Variants in SH3BGRL2 observed in about 807,000 individuals in gnomAD.
SH3BGRL2 encodes the protein SH3 domain-binding glutamic acid-rich-like protein 2.
SH3BGRL2 carries 21 observed loss-of-function variants against 14.8 expected under a neutral mutation model. The ratio of observed to expected loss-of-function variants is 1.42; its 90% CI spans 1.01 to 2.05. The LOEUF is 2.05. Ranked by LOEUF, SH3BGRL2 falls within the 30% of genes most tolerant of loss-of-function variation. The pLI is 0.00. For missense variants in SH3BGRL2, 147 were observed against 130.8 expected (o/e 1.12, Z -0.61); for synonymous variants, 50 against 47.8 (o/e 1.05, Z -0.19).
intron 1 of SH3BGRL2, among the ~76,000 whole-genome samples, chr6:79,644,137 T>C (rs888008804): frequency 6.6e-6 from 1 of 152,168 alleles, no homozygotes; most frequent in Non-Finnish European, 1.5e-5. Flanking sequence ...CCTTTACATC[T>C]TGAACCCTAG....
the SH3BGRL2 span, among the ~76,000 whole-genome samples, chr6:79,543,401 A>G: frequency 6.6e-6 from 1 of 152,174 alleles, no homozygotes; most frequent in East Asian, 1.9e-4. Context: ...GGATTAGATT[A>G]TTTACCCAGA....
chr6:79,553,937 C>A, the SH3BGRL2 span, among the ~76,000 whole-genome samples: 4 of 149,992 alleles, frequency 2.7e-5, 1 homozygote, highest in Admixed American at 2.7e-4. Context: ...CACTGCACTC[C>A]AGCCTGGGTG....
intron 2 of SH3BGRL2, among the ~76,000 whole-genome samples, chr6:79,689,721 A>G (rs1009742): frequency 0.81 from 123,364 of 151,974 alleles, 50,209 homozygotes; most frequent in East Asian, 0.98. Flanking sequence ...TTCCAATGTT[A>G]TGATTTGGGG....
At chr6:79,575,852 G>A in the SH3BGRL2 span, among the ~76,000 whole-genome samples, 1 of 151,928 alleles carries the variant, frequency 6.6e-6, no homozygotes, top group Non-Finnish European at 1.5e-5. Context: ...CATTGGTTGT[G>A]ATTACTGATA....
chr6:79,671,331 A>C (rs1329326651), intron 1 of SH3BGRL2, among the ~76,000 whole-genome samples: 1 of 152,072 alleles, frequency 6.6e-6, no homozygotes, highest in Non-Finnish European at 1.5e-5. Flanking sequence ...GCCAGGCGTG[A>C]TGGCACATAC....
the SH3BGRL2 span, among the ~76,000 whole-genome samples, chr6:79,567,611 C>T: frequency 0.014 from 2,064 of 152,144 alleles, 50 homozygotes; most frequent in African/African-American, 0.047. Flanking sequence ...ATGTCATAAC[C>T]AAAAAATAAA....
chr6:79,597,954 G>T, the SH3BGRL2 span, among the ~76,000 whole-genome samples: 7 of 152,258 alleles, frequency 4.6e-5, 1 homozygote, highest in South Asian at 1.5e-3. Flanking sequence ...GGATCTGAAT[G>T]GGCATATTTC....
the SH3BGRL2 span, among the ~76,000 whole-genome samples, chr6:79,576,108 C>A: frequency 6.6e-6 from 1 of 152,116 alleles, no homozygotes; most frequent in Non-Finnish European, 1.5e-5. Flanking sequence ...CTTAAAATAT[C>A]TTAATTCCAA....
In SH3BGRL2 at chr6:79,699,568, CACATGCTT is replaced by C; in HGVS notation, c.*62_*69del. 1 of 1,428,236 alleles carries C rather than the reference CACATGCTT, an allele frequency of 7.0e-7. No homozygotes were observed. The highest frequency in any genetic ancestry group is 9.2e-7 in the Non-Finnish European group (1 of 1,082,496). 88.5% of individuals were successfully genotyped at this position (1,428,236 alleles called of 1,614,324 possible). A position where few individuals can be genotyped will look rare whatever the true frequency, so the allele number is the denominator to read the frequency against. ...TGAAGCACCCCTGGTACTCAGCACA[CACATGCTT>C]ACCTAATGCATCACTGTGACAAAAG... On this transcript the variant is annotated 3_prime_UTR_variant, in exon 4 of 4. Transcript: ENST00000369838.
the SH3BGRL2 span, among the ~76,000 whole-genome samples, chr6:79,541,113 C>T: frequency 6.6e-6 from 1 of 151,892 alleles, no homozygotes; most frequent in Non-Finnish European, 1.5e-5. Context: ...ATTAGCCAGA[C>T]GTGGTGGTGT....
the SH3BGRL2 span, among the ~76,000 whole-genome samples, chr6:79,549,802 T>C: frequency 6.6e-6 from 1 of 152,186 alleles, no homozygotes. Flanking sequence ...AATTGAAATA[T>C]ATTATTTTAG....
intron 3 of SH3BGRL2, 48 bp from the exon 4 acceptor site, chr6:79,699,450 A>T: frequency 6.7e-7 from 1 of 1,496,438 alleles, no homozygotes; most frequent in Non-Finnish European, 8.9e-7. Flanking sequence ...TGTCGATGTA[A>T]TGCAATAACT....
chr6:79,698,483 G>A (rs944876611), intron 3 of SH3BGRL2, among the ~76,000 whole-genome samples: 1 of 152,024 alleles, frequency 6.6e-6, no homozygotes, highest in East Asian at 1.9e-4. Flanking sequence ...AAAAAACATG[G>A]CAACAAAGCC....
chr6:79,613,339 A>G, the SH3BGRL2 span, among the ~76,000 whole-genome samples: 2 of 152,204 alleles, frequency 1.3e-5, no homozygotes, highest in African/African-American at 2.4e-5. Flanking sequence ...CTGAAATAGG[A>G]AAGTCATGAC....
Position 79,699,592 on chromosome 6 carries a change from G to A in SH3BGRL2, c.*83G>A. ...ACACATGCTTACCTAATGCATCACT[G>A]TGACAAAAGCCACACGCATTATCAG... On this transcript the variant is annotated 3_prime_UTR_variant, in exon 4 of 4. Coordinates refer to ENST00000369838, the MANE Select transcript of SH3BGRL2 (RefSeq NM_031469.4). The A allele has an allele frequency of 7.1e-7, 1 of 1,407,654 alleles. No homozygotes were observed. The allele number at this position is 1,407,654 out of a possible 1,614,324, so 87.2% of individuals were successfully genotyped here.
chr6:79,625,183 A>T, the SH3BGRL2 span, among the ~76,000 whole-genome samples: 4,414 of 150,274 alleles, frequency 0.029, 198 homozygotes, highest in African/African-American at 0.097. Context: ...TATTAAAAAA[A>T]ATATATATAT....
chr6:79,624,250 A>C, the SH3BGRL2 span, among the ~76,000 whole-genome samples: 1 of 150,492 alleles, frequency 6.6e-6, no homozygotes, highest in Admixed American at 6.7e-5. Context: ...AAAAATGTAT[A>C]TATATTGAAT....
chr6:79,628,535 T>C (rs1371269997), upstream of SH3BGRL2, among the ~76,000 whole-genome samples: 1 of 152,142 alleles, frequency 6.6e-6, no homozygotes, highest in Non-Finnish European at 1.5e-5. Flanking sequence ...ACCTTATTTG[T>C]CAGATTGGCA....
chr6:79,691,923 A>G (rs1438023239), intron 2 of SH3BGRL2, among the ~76,000 whole-genome samples: 1 of 151,872 alleles, frequency 6.6e-6, no homozygotes, highest in Admixed American at 6.6e-5. Flanking sequence ...TCCCTGAGGA[A>G]TTGCCACACT....
Sources: allele counts gnomAD v4.1 joint callset (sites outside exome capture counted in the v4.1 genomes callset), GRCh38; gene constraint gnomAD v4.1.1; transcripts MANE v1.5; gene names NCBI Gene and HGNC (gene_info 2026-07-23, HGNC 2026-07-21).